Variants in WDR45B observed in about 807,000 individuals in gnomAD.
WDR45B encodes WD repeat domain 45B, also known as WD repeat domain phosphoinositide-interacting protein 3.
In WDR45B, 20 loss-of-function variants were observed where a neutral mutation model predicts 44.6. The ratio of observed to expected loss-of-function variants is 0.45; its 90% CI spans 0.32 to 0.65. The LOEUF is 0.65. Among genes scored for constraint, WDR45B ranks in the 30% least tolerant of loss-of-function variants. The pLI, the probability that WDR45B is intolerant of heterozygous loss-of-function variation, is 0.05. For missense variants in WDR45B, 323 were observed against 430.2 expected (o/e 0.75, Z 2.20); for synonymous variants, 169 against 164.9 (o/e 1.02, Z -0.19).
intron 1 of WDR45B, chr17:82,644,232 A>C (rs1012096024): frequency 3.1e-5 from 19 of 612,968 alleles, no homozygotes; most frequent in Non-Finnish European, 5.6e-5. Flanking sequence ...CCTTTAGCAA[A>C]GGAGTCTTGG....
At chr17:82,637,820 C>A (rs953095120) in intron 2 of WDR45B, among the ~76,000 whole-genome samples, 2 of 151,846 alleles carry the variant, frequency 1.3e-5, no homozygotes, top group African/African-American at 2.4e-5. Flanking sequence ...TTCATGATAT[C>A]AGCATTCCTT....
At chr17:82,618,295 A>T (rs1462928976) in intron 7 of WDR45B, among the ~76,000 whole-genome samples, 1 of 152,208 alleles carries the variant, frequency 6.6e-6, no homozygotes, top group East Asian at 1.9e-4. Flanking sequence ...GGGAGGCACC[A>T]GGCCTCCTGG....
chr17:82,645,068 G>A (rs1286594921), intron 1 of WDR45B, among the ~76,000 whole-genome samples: 1 of 152,188 alleles, frequency 6.6e-6, no homozygotes, highest in Non-Finnish European at 1.5e-5. Flanking sequence ...GGCCAAGGCA[G>A]GTGGATCACC....
At chr17:82,620,426 C>G (rs1305801765) in intron 6 of WDR45B, among the ~76,000 whole-genome samples, 2 of 149,868 alleles carry the variant, frequency 1.3e-5, no homozygotes, top group Non-Finnish European at 3.0e-5. Context: ...GAGCAAAACT[C>G]AATCTCAAAA....
At chr17:82,647,748 G>A (rs2045998161) in intron 1 of WDR45B, among the ~76,000 whole-genome samples, 1 of 151,940 alleles carries the variant, frequency 6.6e-6, no homozygotes, top group South Asian at 2.1e-4. Context: ...CGTCGGAGAC[G>A]CCGGCTCCGC....
intron 4 of WDR45B, among the ~76,000 whole-genome samples, chr17:82,626,526 T>A (rs1205755617): frequency 1.3e-5 from 1 of 79,800 alleles, no homozygotes; most frequent in Admixed American, 1.8e-4. Flanking sequence ...AGCAAGACTC[T>A]ATCTCCCAAA....
intron 3 of WDR45B, chr17:82,629,903 G>A (rs2045745780): frequency 2.0e-6 from 2 of 985,114 alleles, no homozygotes; most frequent in Admixed American, 6.2e-5. Context: ...GGCGCCCCCA[G>A]AGCCCCATCC....
chr17:82,621,802 G>A lies in WDR45B; in HGVS notation c.428-3C>T, dbSNP rs759079814. On this transcript the variant is annotated splice_region_variant and splice_polypyrimidine_tract_variant and intron_variant, in intron 5 of 9. Coordinates refer to ENST00000392325, the MANE Select transcript of WDR45B (RefSeq NM_019613.4). ...ATTGGGACAAAGGACACAGAGGCCTGCGTGGAGACAGAGGACACCAATCAA... is the reference window on the plus strand; with the variant it reads ...ATTGGGACAAAGGACACAGAGGCCTACGTGGAGACAGAGGACACCAATCAA... The A allele has an allele frequency of 1.2e-6, 2 of 1,614,036 alleles. No individual in the cohort carries two copies. The highest frequency in any genetic ancestry group is 4.5e-5 in the East Asian group (2 of 44,880).
chr17:82,636,122 A>C (rs2045829241), intron 2 of WDR45B, among the ~76,000 whole-genome samples: 1 of 151,024 alleles, frequency 6.6e-6, no homozygotes, highest in Non-Finnish European at 1.5e-5. Flanking sequence ...TAAAAATACA[A>C]AAATCAGCCA....
chr17:82,647,542 C>A (rs1350430453), intron 1 of WDR45B, among the ~76,000 whole-genome samples: 1 of 152,214 alleles, frequency 6.6e-6, no homozygotes, highest in Non-Finnish European at 1.5e-5. Context: ...CGCTTTAAAT[C>A]ATCCAGTGCT....
chr17:82,616,671 G>A, intron 8 of WDR45B, 26 bp from the exon 9 acceptor site: 2 of 1,613,900 alleles, frequency 1.2e-6, no homozygotes, highest in Non-Finnish European at 1.7e-6. Context: ...AAGAAAGGGT[G>A]GTTCAAAGTT....
chr17:82,624,751 T>A (rs949895519), intron 5 of WDR45B, among the ~76,000 whole-genome samples: 3 of 151,828 alleles, frequency 2.0e-5, no homozygotes, highest in Non-Finnish European at 4.4e-5. Context: ...CCCAAGTAGC[T>A]GGGACTACAG....
At position 82,620,508 on chromosome 17, in the gene WDR45B, C is replaced by T. The variant is rs8072524; in HGVS notation, c.618+1101G>A. On this transcript the variant is annotated intron_variant, in intron 6 of 9. Coordinates refer to ENST00000392325, the MANE Select transcript of WDR45B (RefSeq NM_019613.4). The stretch of plus-strand genomic sequence containing the variant: ...TTCTCAGCTGAGTCCCAGGAGTGAG[C>T]GGGACACGCCCCAAACCGCGTGTCC... Among the ~76,000 whole-genome samples the T allele has an allele frequency of 4.1e-3, 625 of 152,302 alleles. 4 individuals carry two copies. The highest frequency in any genetic ancestry group is 0.014 in the African/African-American group (600 of 41,562).
intron 5 of WDR45B, among the ~76,000 whole-genome samples, chr17:82,624,367 T>C (rs1437486160): frequency 6.6e-6 from 1 of 152,040 alleles, no homozygotes; most frequent in Non-Finnish European, 1.5e-5. Flanking sequence ...GTTCAAGCAA[T>C]TCTCCTGCCT....
At position 82,629,989 on chromosome 17, in the gene WDR45B, C is replaced by T. The variant is rs1480261426; in HGVS notation, c.244+932G>A. On this transcript the variant is annotated intron_variant, in intron 3 of 9. Coordinates refer to ENST00000392325, the MANE Select transcript of WDR45B (RefSeq NM_019613.4). ...ACCTCCTCCCACCCTACCCACCCAC[C>T]ACTGGGCTCCCACTCAGTCATCCTC... is the stretch of plus-strand genomic sequence containing the variant. The T allele has an allele frequency of 1.8e-5, 18 of 984,684 alleles. No homozygotes were observed. In the African/African-American group the frequency reaches 3.2e-4, roughly 17 times the overall value. 61.0% of individuals were successfully genotyped at this position (984,684 alleles called of 1,614,324 possible). A position where few individuals can be genotyped will look rare whatever the true frequency, so the allele number is the denominator to read the frequency against.
intron 3 of WDR45B, among the ~76,000 whole-genome samples, chr17:82,630,391 C>T (rs934874609): frequency 2.0e-5 from 3 of 151,658 alleles, no homozygotes; most frequent in African/African-American, 4.8e-5. Context: ...CAACCAACAG[C>T]GAGGTTAAGC....
intron 2 of WDR45B, among the ~76,000 whole-genome samples, chr17:82,638,020 AAAAC>A (rs1470602355): frequency 6.6e-6 from 1 of 150,488 alleles, no homozygotes. Flanking sequence ...CTAAAAATAC[AAAAC>A]AAACAAAAAA....
chr17:82,647,369 C>T (rs2045991911), intron 1 of WDR45B, among the ~76,000 whole-genome samples: 1 of 152,218 alleles, frequency 6.6e-6, no homozygotes, highest in Admixed American at 6.5e-5. Context: ...CCTTTTCCTC[C>T]CCATCAGGAC....
At chr17:82,647,028 A>C (rs1016272832) in intron 1 of WDR45B, among the ~76,000 whole-genome samples, 1 of 152,178 alleles carries the variant, frequency 6.6e-6, no homozygotes, top group Non-Finnish European at 1.5e-5. Flanking sequence ...GGTCAGATTG[A>C]GACCAGCCTG....
Sources: gnomAD v4.1 joint callset for allele counts (sites outside exome capture counted in the v4.1 genomes callset) on GRCh38, gnomAD v4.1.1 for gene constraint, MANE v1.5 for transcripts, NCBI Gene and HGNC (gene_info 2026-07-23, HGNC 2026-07-21) for gene names.